Variants in NHS observed in about 807,000 individuals in gnomAD.
NHS encodes the protein NHS actin remodeling regulator.
In NHS, 5 loss-of-function variants were observed where a neutral mutation model predicts 72.5. The observed-to-expected ratio is 0.07, with a 90% CI of 0.04 to 0.14. NHS has a LOEUF of 0.14. NHS is among the 10% of genes least tolerant of loss of function. NHS has a pLI of 1.00. For synonymous variants in NHS, 464 were observed against 547.7 expected, an observed-to-expected ratio of 0.85 and a Z score of 2.13; for missense variants, 1,072 against 1,355.7, an observed-to-expected ratio of 0.79 and a Z score of 3.29.
chrX:17,478,461 A>G (rs1481918617), intron 1 of NHS, among the ~76,000 whole-genome samples: 1 of 111,355 alleles, frequency 9.0e-6, no homozygotes, highest in Non-Finnish European at 1.9e-5. Flanking sequence ...TTGGGTGGAG[A>G]ATGGTATTAT....
At chrX:17,403,753 A>G (rs2064513699) in intron 1 of NHS, among the ~76,000 whole-genome samples, 1 of 111,800 alleles carries the variant, frequency 8.9e-6, no homozygotes, top group South Asian at 3.8e-4. Flanking sequence ...TTAAATAGAA[A>G]TCTGCCCCAG....
chrX:17,658,623 T>C (rs908639316), intron 1 of NHS, among the ~76,000 whole-genome samples: 1 of 112,044 alleles, frequency 8.9e-6, no homozygotes, highest in African/African-American at 3.3e-5. Flanking sequence ...AGTTTATCTT[T>C]AAAATTTCCA....
chrX:17,508,595 C>T (rs1382529165), intron 1 of NHS, among the ~76,000 whole-genome samples: 3 of 111,108 alleles, frequency 2.7e-5, no homozygotes, highest in South Asian at 3.8e-4. Flanking sequence ...CTCAGCCTCC[C>T]GAGTAGCTGG....
intron 1 of NHS, among the ~76,000 whole-genome samples, chrX:17,434,441 AT>A (rs1166011488): frequency 0.026 from 2,398 of 91,767 alleles, 36 homozygotes; most frequent in East Asian, 0.11. Context: ...CATTCAAACA[AT>A]TTTTTTTTTT....
chrX:17,375,867 C>T lies in NHS; in HGVS notation c.110C>T (p.Pro37Leu). Residue 37 changes from proline (P) to leucine (L), a missense_variant, in exon 1 of 9, where the codon CCC becomes CTC. Pro to Leu is a moderately conservative substitution (Grantham distance 98, BLOSUM62 -3). Transcript: ENST00000676302. ...ASGGSAEPPP[P>L]LQPPGRRDLD... ...GGAGGCAGCGCTGAGCCGCCGCCGCCCTTGCAGCCGCCGGGCCGGAGGGAC... is the reference window on the plus strand; with the variant it reads ...GGAGGCAGCGCTGAGCCGCCGCCGCTCTTGCAGCCGCCGGGCCGGAGGGAC... The T allele has an allele frequency of 9.0e-7, 1 of 1,113,861 alleles. No homozygotes were observed. The highest frequency in any genetic ancestry group is 1.2e-6 in the Non-Finnish European group (1 of 856,172). The allele number at this position is 1,113,861 out of a possible 1,213,427, so 91.8% of individuals were successfully genotyped here.
intron 1 of NHS, among the ~76,000 whole-genome samples, chrX:17,532,499 C>A (rs1175073285): frequency 9.0e-6 from 1 of 111,616 alleles, no homozygotes; most frequent in Admixed American, 9.4e-5. Context: ...CCTTGAGTTT[C>A]GTATCAACCT....
At chrX:17,707,178 C>G (rs1321480997) in intron 3 of NHS, among the ~76,000 whole-genome samples, 1 of 111,307 alleles carries the variant, frequency 9.0e-6, no homozygotes, top group Non-Finnish European at 1.9e-5. Flanking sequence ...TCAGAATGAT[C>G]GAGGGGTGGG....
intron 1 of NHS, among the ~76,000 whole-genome samples, chrX:17,627,017 G>T (rs1185498976): frequency 8.9e-6 from 1 of 112,081 alleles, no homozygotes; most frequent in Non-Finnish European, 1.9e-5. Context: ...TCAGTTGTTT[G>T]TCATTGAATG....
chrX:17,571,541 C>T (rs1397882996), intron 1 of NHS, among the ~76,000 whole-genome samples: 2 of 111,412 alleles, frequency 1.8e-5, no homozygotes, highest in Non-Finnish European at 3.8e-5. Context: ...TTTATTGCAT[C>T]TATTTGATTC....
intron 1 of NHS, among the ~76,000 whole-genome samples, chrX:17,565,219 AGTGGCCAT>A (rs1361897914): frequency 1.8e-5 from 2 of 110,983 alleles, no homozygotes; most frequent in Non-Finnish European, 3.8e-5. Context: ...CTGGAGGATG[AGTGGCCAT>A]GTGGAGGACT....
Position 17,375,662 on chromosome X carries a change from G to T in NHS, c.-96G>T, listed in dbSNP as rs1308636085. 2 of 972,204 alleles carry T rather than the reference G, an allele frequency of 2.1e-6. No individual in the cohort carries two copies. The highest frequency in any genetic ancestry group is 3.9e-5 in the African/African-American group (2 of 51,731). 80.1% of individuals were successfully genotyped at this position (972,204 alleles called of 1,213,427 possible). A position where few individuals can be genotyped will look rare whatever the true frequency, so the allele number is the denominator to read the frequency against. ...GGACTGCCAGATCGCGCTTTTGCCGGACTCCTGCCCCCTCCCTGCTCAGGT... is the reference window on the plus strand; with the variant it reads ...GGACTGCCAGATCGCGCTTTTGCCGTACTCCTGCCCCCTCCCTGCTCAGGT... On this transcript the variant is annotated 5_prime_UTR_variant, in exon 1 of 9. Coordinates refer to ENST00000676302, the MANE Select transcript of NHS (RefSeq NM_001291867.2).
In NHS at chrX:17,732,459, A is replaced by G. The variant is rs754943090; in HGVS notation, c.4951A>G (p.Thr1651Ala). The G allele has an allele frequency of 3.3e-6, 4 of 1,212,505 alleles. No individual in the cohort carries two copies. In the South Asian group the frequency reaches 7.0e-5, roughly 21 times the overall value. ...PHDDRSSQSS[T>A] ...TGACGACCGTTCCTCCCAGAGTTCAACATAGACTGCCTGTACCAGGCTGCC... is the reference window on the plus strand; with the variant it reads ...TGACGACCGTTCCTCCCAGAGTTCAGCATAGACTGCCTGTACCAGGCTGCC... Residue 1651 changes from threonine to alanine, a missense_variant, in exon 9 of 9, where the codon ACA becomes GCA. By Grantham distance (58) the Thr-to-Ala change is moderately conservative (BLOSUM62 0). Transcript: ENST00000676302.
intron 1 of NHS, among the ~76,000 whole-genome samples, chrX:17,395,143 C>T (rs971810642): frequency 1.8e-5 from 2 of 108,805 alleles, no homozygotes; most frequent in African/African-American, 6.7e-5. Context: ...AGGTGACATT[C>T]TCCCTCCCAG....
At chrX:17,663,911 T>C (rs2075512442) in intron 1 of NHS, among the ~76,000 whole-genome samples, 1 of 112,102 alleles carries the variant, frequency 8.9e-6, no homozygotes, top group Admixed American at 9.4e-5. Context: ...TGAAATGGTA[T>C]CTCATTGTGG....
Position 17,723,770 on chromosome X carries a change from T to TGTGTGTGCGC in NHS, c.1109-528_1109-527insTGTGTGCGCG, listed in dbSNP as rs541219770. 2.8e-3 allele frequency among the ~76,000 whole-genome samples: 257 copies of TGTGTGTGCGC among 91,270 alleles called. 1 individual carries two copies. Among genetic ancestry groups the TGTGTGTGCGC allele is most frequent in the African/African-American group, 3.2e-3 (64 of 19,783 alleles). 79.3% of individuals were successfully genotyped at this position (91,270 alleles called of 115,157 possible). On this transcript the variant is annotated intron_variant, in intron 5 of 8. Transcript: ENST00000676302. Reference sequence around the variant, plus strand: ...GTGTGTGTGTGTGTGTGTGTGTGTGTGCGCGCGCGTGCGCGCATGGGGAAT... The same window carrying TGTGTGTGCGC: ...GTGTGTGTGTGTGTGTGTGTGTGTGTGTGTGTGCGCGCGCGCGCGTGCGCGCATGGGGAAT...
At chrX:17,488,358 G>C (rs755975616) in intron 1 of NHS, among the ~76,000 whole-genome samples, 4 of 111,394 alleles carry the variant, frequency 3.6e-5, no homozygotes, top group African/African-American at 1.3e-4. Context: ...GTTTGGGCTT[G>C]AGGGCTGAAG....
At chrX:17,699,255 C>G (rs1176707129) in intron 3 of NHS, among the ~76,000 whole-genome samples, 1 of 111,237 alleles carries the variant, frequency 9.0e-6, no homozygotes, top group Non-Finnish European at 1.9e-5. Context: ...ATAAGACTAG[C>G]CAGGAAAACA....
At chrX:17,621,752 A>G (rs2065774964) in intron 1 of NHS, among the ~76,000 whole-genome samples, 1 of 110,632 alleles carries the variant, frequency 9.0e-6, no homozygotes, top group Non-Finnish European at 1.9e-5. Flanking sequence ...CCAGGTAGTG[A>G]CTCATTCCCT....
chrX:17,668,545 C>A (rs2066026351), intron 1 of NHS, among the ~76,000 whole-genome samples: 1 of 110,838 alleles, frequency 9.0e-6, no homozygotes, highest in African/African-American at 3.3e-5. Flanking sequence ...ACTTGCTGTT[C>A]TTTCTGCTTG....
Sources: allele counts gnomAD v4.1 joint callset (sites outside exome capture counted in the v4.1 genomes callset), GRCh38; gene constraint gnomAD v4.1.1; transcripts MANE v1.5; gene names NCBI Gene and HGNC (gene_info 2026-07-23, HGNC 2026-07-21).